The following EYS variants were observed in gnomAD, a reference collection of about 807,000 sequenced individuals.
The protein encoded by EYS is EGF-like photoreceptor maintenance factor.
Under a neutral mutation model 282.1 loss-of-function variants are expected in EYS, and 250 were observed. That is an observed-to-expected ratio of 0.89 (90% CI 0.80 to 0.98). EYS has a LOEUF of 0.98. EYS is among the 50% of genes least tolerant of loss of function. The pLI is 0.00. For missense variants in EYS, 4,016 were observed against 3,709.0 expected, an observed-to-expected ratio of 1.08 and a Z score of -2.15; for synonymous variants, 1,355 against 1,282.9, an observed-to-expected ratio of 1.06 and a Z score of -1.20.
Position 65,498,457 on chromosome 6 carries a change from T to G in EYS, c.-332-2464A>C, listed in dbSNP as rs555792866. On this transcript the variant is annotated intron_variant, in intron 2 of 42. Transcript: ENST00000503581. ...GTAAATGCGAGGAAACAAATTACAT[T>G]TGCATTGAAGCAAAATTAGGCCTAT... Among the ~76,000 whole-genome samples, 8 of 152,080 alleles carry G rather than the reference T, an allele frequency of 5.3e-5. No homozygotes were observed. In the East Asian group the frequency reaches 1.5e-3, roughly 29 times the overall value.
chr6:64,834,959 T>A (rs1255397044), intron 19 of EYS, among the ~76,000 whole-genome samples: 1 of 151,750 alleles, frequency 6.6e-6, no homozygotes, highest in Non-Finnish European at 1.5e-5. Flanking sequence ...AAAAATAAGC[T>A]TTGAAGTAAC....
chr6:64,055,683 C>G (rs1326721284), intron 33 of EYS, among the ~76,000 whole-genome samples: 2 of 152,120 alleles, frequency 1.3e-5, no homozygotes, highest in Non-Finnish European at 2.9e-5. Flanking sequence ...CACATCTATA[C>G]AATTAGAATT....
At chr6:64,802,612 C>T (rs947499310) in intron 22 of EYS, among the ~76,000 whole-genome samples, 113 of 152,142 alleles carry the variant, frequency 7.4e-4, no homozygotes, top group Non-Finnish European at 5.9e-5. Flanking sequence ...TTTCACACTA[C>T]TAATTTACCT....
intron 11 of EYS, among the ~76,000 whole-genome samples, chr6:65,316,014 A>C (rs1267749236): frequency 2.0e-5 from 3 of 152,230 alleles, no homozygotes; most frequent in Admixed American, 6.5e-5. Context: ...ACTACAAATA[A>C]GATTGAAAAT....
chr6:65,078,498 G>T (rs1468468117), intron 12 of EYS, among the ~76,000 whole-genome samples: 1 of 152,000 alleles, frequency 6.6e-6, no homozygotes, highest in Non-Finnish European at 1.5e-5. Flanking sequence ...GGTCAAAGGA[G>T]TGTGACCAGT....
chr6:64,605,181 T>G (rs1466049506), intron 24 of EYS, among the ~76,000 whole-genome samples: 1 of 151,120 alleles, frequency 6.6e-6, no homozygotes, highest in African/African-American at 2.4e-5. Flanking sequence ...ATATGGGATT[T>G]TCTCGACTTT....
chr6:63,757,046 C>T (rs578098187), intron 41 of EYS, among the ~76,000 whole-genome samples: 3 of 152,142 alleles, frequency 2.0e-5, no homozygotes, highest in African/African-American at 7.2e-5. Flanking sequence ...TTTTAGGGAA[C>T]AAGGGAAGAC....
At chr6:65,681,903 A>G (rs913455235) in intron 1 of EYS, among the ~76,000 whole-genome samples, 3 of 151,908 alleles carry the variant, frequency 2.0e-5, no homozygotes, top group Non-Finnish European at 4.4e-5. Flanking sequence ...TAGTGCCTCT[A>G]CCTGTCAAGC....
intron 19 of EYS, among the ~76,000 whole-genome samples, chr6:64,827,733 T>A (rs2150026028): frequency 6.6e-6 from 1 of 151,962 alleles, no homozygotes; most frequent in East Asian, 1.9e-4. Context: ...TTTGTAAACG[T>A]TTCTTATTAT....
intron 33 of EYS, among the ~76,000 whole-genome samples, chr6:64,028,722 T>C (rs1334670970): frequency 6.6e-6 from 1 of 152,196 alleles, no homozygotes; most frequent in Non-Finnish European, 1.5e-5. Flanking sequence ...TCTAGGCCAC[T>C]TCTCAATTCC....
chr6:64,747,705 T>G (rs1772604655), intron 22 of EYS, among the ~76,000 whole-genome samples: 1 of 152,112 alleles, frequency 6.6e-6, no homozygotes. Context: ...CGCCTTCATT[T>G]CTCTCTCTGA....
At chr6:65,543,875 T>C (rs1466784919) in intron 2 of EYS, among the ~76,000 whole-genome samples, 1 of 152,236 alleles carries the variant, frequency 6.6e-6, no homozygotes, top group African/African-American at 2.4e-5. Flanking sequence ...TCAACTTCTC[T>C]CTACCATTGC....
chr6:64,268,149 T>C (rs1359236552), intron 30 of EYS, among the ~76,000 whole-genome samples: 1 of 152,068 alleles, frequency 6.6e-6, no homozygotes, highest in African/African-American at 2.4e-5. Context: ...ACAAATTATG[T>C]CACATCCATA....
intron 19 of EYS, among the ~76,000 whole-genome samples, chr6:64,859,908 T>C (rs995941188): frequency 6.6e-6 from 1 of 152,202 alleles, no homozygotes; most frequent in African/African-American, 2.4e-5. Flanking sequence ...CAGCTTTCTT[T>C]TGATTAGTCT....
At chr6:64,654,667 T>G (rs1427292548) in intron 22 of EYS, among the ~76,000 whole-genome samples, 1 of 152,234 alleles carries the variant, frequency 6.6e-6, no homozygotes, top group Admixed American at 6.5e-5. Context: ...TATGATGCTA[T>G]TGTCTTTTAA....
chr6:65,363,197 CTT>C (rs34228999), intron 8 of EYS, among the ~76,000 whole-genome samples: 1 of 150,932 alleles, frequency 6.6e-6, no homozygotes, highest in South Asian at 2.1e-4. Context: ...TATTAAAACT[CTT>C]TTTTTTTGCA....
At chr6:64,393,626 G>A (rs550664554) in intron 28 of EYS, among the ~76,000 whole-genome samples, 23 of 152,002 alleles carry the variant, frequency 1.5e-4, no homozygotes, top group East Asian at 5.8e-4. Flanking sequence ...TTGATGGGTC[G>A]TATTTCAAAA....
At chr6:64,416,589 CATTCATTT>C (rs1184288950) in intron 28 of EYS, among the ~76,000 whole-genome samples, 1 of 142,474 alleles carries the variant, frequency 7.0e-6, no homozygotes, top group African/African-American at 2.6e-5. Context: ...ACACTTAATT[CATTCATTT>C]ATTCATTAGG....
intron 34 of EYS, among the ~76,000 whole-genome samples, chr6:63,990,635 T>G (rs1356710808): frequency 6.6e-6 from 1 of 151,660 alleles, no homozygotes; most frequent in African/African-American, 2.4e-5. Flanking sequence ...TGTCCTGGCT[T>G]GGCATGGGAT....
Sources: gnomAD v4.1 joint callset for allele counts (sites outside exome capture counted in the v4.1 genomes callset) on GRCh38, gnomAD v4.1.1 for gene constraint, MANE v1.5 for transcripts, NCBI Gene and HGNC (gene_info 2026-07-23, HGNC 2026-07-21) for gene names.